AKT3: variants seen among roughly 807,000 people sequenced by gnomAD.
AKT3 encodes RAC-gamma serine/threonine-protein kinase.
A neutral mutation model predicts 65.3 loss-of-function variants in AKT3; 15 were observed. The ratio of observed to expected loss-of-function variants is 0.23; its 90% CI spans 0.15 to 0.35. The LOEUF (loss-of-function observed/expected upper bound fraction) is 0.35. Ranked by LOEUF, AKT3 falls within the 10% of genes least tolerant of loss-of-function variation. The pLI is 1.00. For missense variants in AKT3, 243 were observed against 576.5 expected, an observed-to-expected ratio of 0.42 and a Z score of 5.92; for synonymous variants, 206 against 183.8, an observed-to-expected ratio of 1.12 and a Z score of -0.98.
chr1:243,649,775 G>A (rs1009147839), intron 4 of AKT3, among the ~76,000 whole-genome samples: 2 of 152,086 alleles, frequency 1.3e-5, no homozygotes, highest in Non-Finnish European at 2.9e-5. Context: ...AGTATTCCAT[G>A]GTGTATATGT....
intron 12 of AKT3, among the ~76,000 whole-genome samples, chr1:243,514,194 T>C (rs147610663): frequency 2.2e-4 from 33 of 152,304 alleles, no homozygotes; most frequent in African/African-American, 7.9e-4. Flanking sequence ...TCGGCTTCTC[T>C]TGGGCACTAG....
At chr1:243,795,192 T>C (rs551438399) in intron 2 of AKT3, among the ~76,000 whole-genome samples, 4 of 152,054 alleles carry the variant, frequency 2.6e-5, no homozygotes, top group South Asian at 4.2e-4. Flanking sequence ...TGGTGTTAGA[T>C]TGTTTGCTCA....
intron 3 of AKT3, among the ~76,000 whole-genome samples, chr1:243,676,062 T>C (rs1018183645): frequency 2.6e-5 from 4 of 152,106 alleles, no homozygotes; most frequent in African/African-American, 7.2e-5. Context: ...AGGGGATGAG[T>C]AGTCAAACAA....
chr1:243,736,736 T>G (rs1380482754), intron 2 of AKT3, among the ~76,000 whole-genome samples: 2 of 152,182 alleles, frequency 1.3e-5, no homozygotes, highest in Non-Finnish European at 1.5e-5. Context: ...TATGCTGATT[T>G]GAAACAAAAC....
At chr1:243,834,921 TATA>T (rs1450804798) in intron 2 of AKT3, among the ~76,000 whole-genome samples, 3 of 152,172 alleles carry the variant, frequency 2.0e-5, no homozygotes, top group Admixed American at 2.0e-4. Context: ...TAACAGAGTT[TATA>T]ACATGGTGAT....
At chr1:243,750,427 AC>A (rs1688735360) in intron 2 of AKT3, among the ~76,000 whole-genome samples, 2 of 151,560 alleles carry the variant, frequency 1.3e-5, no homozygotes, top group Non-Finnish European at 2.9e-5. Context: ...ACACACACAC[AC>A]ACACACGCAC....
In AKT3 at chr1:243,500,383, G is replaced by A. The variant is rs1440090905; in HGVS notation, c.*4866C>T. ...TTAAACAACGAAAACAGACAAAAAA[G>A]CATCTTTGGCTCGGTGGTGTCAGAT... On this transcript the variant is annotated 3_prime_UTR_variant, in exon 14 of 14. Transcript: ENST00000673466. The A allele has an allele frequency of 2.7e-5, 6 of 225,010 alleles. No individual in the cohort carries two copies. The highest frequency in any genetic ancestry group is 6.5e-5 in the East Asian group (1 of 15,442). The allele number at this position is 225,010 out of a possible 1,614,324, so 13.9% of individuals were successfully genotyped here. A position where few individuals can be genotyped will look rare whatever the true frequency, so the allele number is the denominator to read the frequency against.
chr1:243,568,439 GAA>G (rs113494657), intron 9 of AKT3, among the ~76,000 whole-genome samples: 3 of 136,508 alleles, frequency 2.2e-5, no homozygotes, highest in African/African-American at 5.4e-5. Context: ...TGAGGAGAGA[GAA>G]AAAAAAAAAC....
intron 2 of AKT3, among the ~76,000 whole-genome samples, chr1:243,790,972 T>TATAATA (rs1691596372): frequency 6.6e-6 from 1 of 152,120 alleles, no homozygotes; most frequent in African/African-American, 2.4e-5. Context: ...CCATAACCGG[T>TATAATA]ATAATAATAA....
Position 243,815,584 on chromosome 1 carries a change from AC to A in AKT3, c.46+27540del, listed in dbSNP as rs367825870. On this transcript the variant is annotated intron_variant, in intron 2 of 13. Transcript: ENST00000673466. Reference sequence around the variant, plus strand: ...AGTACTACATTTTTGTTACAACAAAACAAAACCACTCTGATACCAAAATCTA... The same window carrying A: ...AGTACTACATTTTTGTTACAACAAAAAAAACCACTCTGATACCAAAATCTA... Among the ~76,000 whole-genome samples the A allele has an allele frequency of 7.0e-4, 106 of 152,082 alleles. No individual in the cohort carries two copies. The East Asian group carries it at 0.018, about 26-fold the overall frequency.
intron 2 of AKT3, among the ~76,000 whole-genome samples, chr1:243,764,442 G>T (rs568367954): frequency 1.2e-4 from 18 of 152,010 alleles, no homozygotes; most frequent in African/African-American, 4.3e-4. Context: ...TGTGTACTGA[G>T]AGTACAATTC....
At chr1:243,743,528 T>C (rs1170100080) in intron 2 of AKT3, among the ~76,000 whole-genome samples, 7 of 152,210 alleles carry the variant, frequency 4.6e-5, no homozygotes, top group Non-Finnish European at 7.3e-5. Context: ...TCACAACTTA[T>C]CAAATACAGA....
At chr1:243,695,481 A>G in intron 3 of AKT3, 110 bp downstream of exon 3, 1 of 1,041,586 alleles carries the variant, frequency 9.6e-7, no homozygotes, top group Non-Finnish European at 1.3e-6. Flanking sequence ...TCTCTATTAA[A>G]TATAAACCCA....
At chr1:243,849,386 A>AACCCCCCCCCC (rs1695655077) in intron 1 of AKT3, among the ~76,000 whole-genome samples, 1 of 107,016 alleles carries the variant, frequency 9.3e-6, no homozygotes. Context: ...CCACACACAC[A>AACCCCCCCCCC]CCCCCCCCCC....
intron 2 of AKT3, among the ~76,000 whole-genome samples, chr1:243,807,963 G>C (rs1692854254): frequency 6.6e-6 from 1 of 152,208 alleles, no homozygotes; most frequent in South Asian, 2.1e-4. Flanking sequence ...CAGACCTGCA[G>C]CTGAGGGTCC....
chr1:243,578,123 G>A (rs538377030), intron 8 of AKT3, among the ~76,000 whole-genome samples: 2 of 152,260 alleles, frequency 1.3e-5, no homozygotes, highest in South Asian at 2.1e-4. Context: ...GAAGACAAGT[G>A]TGGCAATTGC....
intron 9 of AKT3, among the ~76,000 whole-genome samples, chr1:243,565,470 C>T (rs577926892): frequency 3.3e-5 from 5 of 152,308 alleles, no homozygotes; most frequent in South Asian, 4.1e-4. Flanking sequence ...AGCAATCCAC[C>T]CACCTCAGCC....
At chr1:243,763,512 C>T (rs1340770303) in intron 2 of AKT3, among the ~76,000 whole-genome samples, 1 of 152,032 alleles carries the variant, frequency 6.6e-6, no homozygotes, top group African/African-American at 2.4e-5. Context: ...CTGTTTATCA[C>T]TACTGGCTTA....
At chr1:243,660,119 T>C (rs796939182) in intron 4 of AKT3, among the ~76,000 whole-genome samples, 22 of 152,084 alleles carry the variant, frequency 1.4e-4, no homozygotes, top group African/African-American at 5.3e-4. Flanking sequence ...CTGGACTCTT[T>C]TTCGTTGGTA....
Sources: gnomAD v4.1 joint callset for allele counts (sites outside exome capture counted in the v4.1 genomes callset) on GRCh38, gnomAD v4.1.1 for gene constraint, MANE v1.5 for transcripts, NCBI Gene and HGNC (gene_info 2026-07-23, HGNC 2026-07-21) for gene names.